BRWD1: variants seen among roughly 807,000 people sequenced by gnomAD.
BRWD1 encodes bromodomain and WD repeat-containing protein 1.
In BRWD1, 82 loss-of-function variants were observed where a neutral mutation model predicts 251.2. The ratio of observed to expected loss-of-function variants is 0.33; its 90% CI spans 0.27 to 0.39. BRWD1 has a LOEUF of 0.39. BRWD1 is among the 10% of genes least tolerant of loss of function. BRWD1 has a pLI of 1.00. For synonymous variants in BRWD1, 918 were observed against 902.8 expected, an observed-to-expected ratio of 1.02 and a Z score of -0.30; for missense variants, 2,233 against 2,711.6, an observed-to-expected ratio of 0.82 and a Z score of 3.92.
At position 39,199,083 on chromosome 21, in the gene BRWD1, G is replaced by A. The variant is rs537193580; in HGVS notation, c.5333C>T (p.Ser1778Phe). Residue 1778 changes from serine to phenylalanine, a missense_variant, in exon 40 of 41, where the codon TCT (serine) becomes TTT (phenylalanine). By Grantham distance (155) the Ser-to-Phe change is radical (BLOSUM62 -2). Transcript: ENST00000342449. ...GCTCTCTGCCTTAAGTTTCTGCACAGACGTTGATGGGCCAGCAGTTCTGTT... is the reference window on the plus strand; with the variant it reads ...GCTCTCTGCCTTAAGTTTCTGCACAAACGTTGATGGGCCAGCAGTTCTGTT... ...ACNRTAGPST[S>F]VQKLKAESIS... 6.2e-7 allele frequency: 1 copy of A among 1,614,138 alleles called. No homozygotes were observed. The highest frequency in any genetic ancestry group is 2.2e-5 in the East Asian group (1 of 44,882).
chr21:39,298,044 C>T lies in BRWD1; in HGVS notation c.349+388G>A, dbSNP rs781230409. 5.1e-6 allele frequency: 5 copies of T among 986,974 alleles called. No individual in the cohort carries two copies. In the East Asian group the frequency reaches 4.5e-4, roughly 88 times the overall value. The allele number at this position is 986,974 out of a possible 1,614,324, so 61.1% of individuals were successfully genotyped here. A position where few individuals can be genotyped will look rare whatever the true frequency, so the allele number is the denominator to read the frequency against. On this transcript the variant is annotated intron_variant, in intron 5 of 40. Transcript: ENST00000342449. Reference sequence around the variant, plus strand: ...AATCACTTCCCTTTATAACAAAGGGCTTTCAGAAGCTAAATATCAAATGAA... The same window carrying T: ...AATCACTTCCCTTTATAACAAAGGGTTTTCAGAAGCTAAATATCAAATGAA...
At chr21:39,207,673 G>A (rs187777042) in intron 36 of BRWD1, among the ~76,000 whole-genome samples, 41 of 152,304 alleles carry the variant, frequency 2.7e-4, no homozygotes, top group Admixed American at 2.4e-3. Flanking sequence ...AGGGAATTGA[G>A]CAGGGTTTCT....
chr21:39,313,882 G>C (rs899073631), upstream of BRWD1: 2 of 326,362 alleles, frequency 6.1e-6, no homozygotes, highest in African/African-American at 4.6e-5. Flanking sequence ...CGCGCAATGA[G>C]GCGGCTGCCC....
chr21:39,220,532 T>C (rs746851591), intron 29 of BRWD1, among the ~76,000 whole-genome samples: 5 of 152,154 alleles, frequency 3.3e-5, no homozygotes, highest in Non-Finnish European at 7.3e-5. Flanking sequence ...TACAAAAATA[T>C]ACAGCACCCA....
chr21:39,294,051 A>G lies in BRWD1; in HGVS notation c.610-19T>C. ...CTGAACCCTAAGAAAAAATATATCC[A>G]AAAATTAATGTTAGTACAGCAAATC... On this transcript the variant is annotated intron_variant, in intron 7 of 40. Coordinates refer to ENST00000342449, the MANE Select transcript of BRWD1 (RefSeq NM_033656.4). The G allele has an allele frequency of 1.3e-6, 2 of 1,592,962 alleles. No homozygotes were observed. Among genetic ancestry groups the G allele is most frequent in the Non-Finnish European group, 1.7e-6 (2 of 1,162,478 alleles).
At chr21:39,291,457 T>C (rs2035804839) in intron 8 of BRWD1, among the ~76,000 whole-genome samples, 2 of 152,032 alleles carry the variant, frequency 1.3e-5, no homozygotes, top group African/African-American at 2.4e-5. Context: ...TGAAACAGGG[T>C]AGTAGGGACA....
chr21:39,308,297 C>A (rs2036354560), intron 4 of BRWD1, among the ~76,000 whole-genome samples: 1 of 152,028 alleles, frequency 6.6e-6, no homozygotes, highest in Non-Finnish European at 1.5e-5. Flanking sequence ...GCCGGGCCAA[C>A]ATGGTGAAAC....
intron 17 of BRWD1, among the ~76,000 whole-genome samples, chr21:39,263,619 G>A (rs1168673705): frequency 6.6e-6 from 1 of 152,046 alleles, no homozygotes; most frequent in Admixed American, 6.6e-5. Context: ...ACGCAATGAG[G>A]GAGCAATGAT....
upstream of BRWD1, chr21:39,313,724 G>A (rs2036611995): frequency 5.1e-6 from 2 of 392,916 alleles, no homozygotes; most frequent in Non-Finnish European, 9.1e-6. Flanking sequence ...GCCAAGAGAG[G>A]ACCGGAGCTC....
chr21:39,259,280 A>T (rs925059931), intron 17 of BRWD1, among the ~76,000 whole-genome samples: 1 of 152,046 alleles, frequency 6.6e-6, no homozygotes, highest in Non-Finnish European at 1.5e-5. Context: ...ACTACCCATA[A>T]TTCTTACTTC....
At chr21:39,276,469 G>A (rs1192034691) in intron 11 of BRWD1, among the ~76,000 whole-genome samples, 1 of 152,164 alleles carries the variant, frequency 6.6e-6, no homozygotes, top group Non-Finnish European at 1.5e-5. Flanking sequence ...TAAACTTAAA[G>A]CAGTATTTAT....
chr21:39,286,081 C>A (rs913046377), intron 8 of BRWD1, among the ~76,000 whole-genome samples: 1 of 132,948 alleles, frequency 7.5e-6, no homozygotes, highest in Non-Finnish European at 1.5e-5. Context: ...GTGGTGCGAT[C>A]TCGGCTCACT....
chr21:39,250,759 A>G lies in BRWD1; in HGVS notation c.2349+37T>C, dbSNP rs370288006. The G allele has an allele frequency of 1.7e-5, 22 of 1,284,964 alleles. No homozygotes were observed. The Middle Eastern group carries it at 8.0e-4, about 47-fold the overall frequency. 79.6% of individuals were successfully genotyped at this position (1,284,964 alleles called of 1,614,324 possible). On this transcript the variant is annotated intron_variant, in intron 20 of 40. Coordinates refer to ENST00000342449, the MANE Select transcript of BRWD1 (RefSeq NM_033656.4). ...AAAAGAAAACTCTATATTTCAATGT[A>G]ATTTCTAATTTGCTAAGAAAACAGA...
rs186917272 is a variant in BRWD1 at position 39,274,186 on chromosome 21, C to G, written c.1244+188G>C. Among the ~76,000 whole-genome samples the G allele has an allele frequency of 3.3e-5, 5 of 152,226 alleles. No homozygotes were observed. The East Asian group carries it at 9.6e-4, about 29-fold the overall frequency. ...CTATACAACGTAAGGATAAATTTAC[C>G]TGGATGTCTCTGTTCACCTGATATG... is the stretch of plus-strand genomic sequence containing the variant. On this transcript the variant is annotated intron_variant, in intron 13 of 40. Transcript: ENST00000342449.
At chr21:39,200,794 T>G (rs2146465341) in intron 38 of BRWD1, among the ~76,000 whole-genome samples, 1 of 152,266 alleles carries the variant, frequency 6.6e-6, no homozygotes, top group Non-Finnish European at 1.5e-5. Flanking sequence ...AAAACTAGCC[T>G]GGCCAAATAG....
intron 13 of BRWD1, among the ~76,000 whole-genome samples, chr21:39,272,131 T>C (rs1334176995): frequency 6.7e-6 from 1 of 148,786 alleles, no homozygotes; most frequent in Non-Finnish European, 1.5e-5. Context: ...GAGGGTAGAA[T>C]AATATTAAGA....
At chr21:39,300,732 G>C (rs1419446432) in intron 4 of BRWD1, among the ~76,000 whole-genome samples, 2 of 152,262 alleles carry the variant, frequency 1.3e-5, no homozygotes, top group Admixed American at 6.5e-5. Context: ...ATGACCCATG[G>C]TCAAGAGGGG....
chr21:39,287,628 T>C (rs2035681958), intron 8 of BRWD1, among the ~76,000 whole-genome samples: 1 of 152,228 alleles, frequency 6.6e-6, no homozygotes, highest in Admixed American at 6.5e-5. Flanking sequence ...TGGTTATTTG[T>C]CACGTTTCTT....
At chr21:39,318,624 GC>G (rs2036720543), upstream of BRWD1, among the ~76,000 whole-genome samples, 4 of 152,176 alleles carry the variant, frequency 2.6e-5, no homozygotes, top group African/African-American at 9.6e-5. Flanking sequence ...GTCTTCCCTG[GC>G]TCCTGGGCTG....
Sources: gnomAD v4.1 joint callset for allele counts (sites outside exome capture counted in the v4.1 genomes callset) on GRCh38, gnomAD v4.1.1 for gene constraint, MANE v1.5 for transcripts, NCBI Gene and HGNC (gene_info 2026-07-23, HGNC 2026-07-21) for gene names.